Variants in INPP5D observed in about 807,000 individuals in gnomAD.
The protein encoded by INPP5D is phosphatidylinositol 3,4,5-trisphosphate 5-phosphatase 1.
INPP5D carries 33 observed loss-of-function variants against 122.9 expected under a neutral mutation model. That is an observed-to-expected ratio of 0.27 (90% CI 0.20 to 0.36). The LOEUF is 0.36. Among genes scored for constraint, INPP5D ranks in the 10% least tolerant of loss-of-function variants. INPP5D has a pLI of 1.00. For synonymous variants in INPP5D, 584 were observed against 576.2 expected, an observed-to-expected ratio of 1.01 and a Z score of -0.19; for missense variants, 1,053 against 1,412.7, an observed-to-expected ratio of 0.75 and a Z score of 4.08.
At chr2:233,130,759 C>A in intron 5 of INPP5D, 111 bp downstream of exon 5, 1 of 1,133,258 alleles carries the variant, frequency 8.8e-7, no homozygotes, top group Non-Finnish European at 1.3e-6. Context: ...CTCTGCCGCA[C>A]TCACAATAAT....
chr2:233,145,635 G>A (rs1693738650), intron 6 of INPP5D, among the ~76,000 whole-genome samples: 1 of 152,120 alleles, frequency 6.6e-6, no homozygotes, highest in African/African-American at 2.4e-5. Flanking sequence ...TTCCTCAGAA[G>A]GGAAGCTCAA....
At chr2:233,161,915 A>G (rs1694208918) in intron 11 of INPP5D, 89 bp downstream of exon 11, 2 of 1,499,662 alleles carry the variant, frequency 1.3e-6, no homozygotes, top group Admixed American at 2.1e-5. Context: ...GAGTGACGAC[A>G]TCCATGTCCC....
At position 233,100,585 on chromosome 2, in the gene INPP5D, AC is replaced by A. The variant is rs370401536; in HGVS notation, c.198+21192del. Among the ~76,000 whole-genome samples the A allele has an allele frequency of 1.4e-3, 212 of 151,780 alleles. 1 individual carries two copies. Among genetic ancestry groups the A allele is most frequent in the African/African-American group, 4.4e-3 (184 of 41,354 alleles). On this transcript the variant is annotated intron_variant, in intron 2 of 26. Coordinates refer to ENST00000445964, the MANE Select transcript of INPP5D (RefSeq NM_001017915.3). This position sits in a 1 kb window ranked among gnomAD's most constrained non-coding sequence, Gnocchi z 5.3. The stretch of plus-strand genomic sequence containing the variant: ...CAGCATCCCCCATGGACTCATGGGC[AC>A]CCCCGGTTGAGCTCGCTCACCCAGA...
At chr2:233,063,191 G>A (rs775741491) in intron 1 of INPP5D, among the ~76,000 whole-genome samples, 11 of 152,204 alleles carry the variant, frequency 7.2e-5, no homozygotes, top group Non-Finnish European at 1.5e-4. Flanking sequence ...CCTAGCCCTG[G>A]AAGCCTGGAG....
chr2:233,173,206 CT>C (rs1203491580), intron 17 of INPP5D, among the ~76,000 whole-genome samples: 1,191 of 115,830 alleles, frequency 0.01, 13 homozygotes, highest in African/African-American at 0.035. Flanking sequence ...AAGACTGTGT[CT>C]CAAAAAAAAA....
chr2:233,121,096 G>A (rs903080605), intron 2 of INPP5D, among the ~76,000 whole-genome samples: 2 of 133,780 alleles, frequency 1.5e-5, no homozygotes, highest in Non-Finnish European at 3.3e-5. Context: ...GATTACAGGT[G>A]ATTTCTTTCT....
At position 233,105,309 on chromosome 2, in the gene INPP5D, G is replaced by A. The variant is rs1692435452; in HGVS notation, c.199-16798G>A. ...AACCGTCATTTCTATCTACACCTGT[G>A]CTTTGCCAGTGCCGCTCCCTTCGCC... On this transcript the variant is annotated intron_variant, in intron 2 of 26. Coordinates refer to ENST00000445964, the MANE Select transcript of INPP5D (RefSeq NM_001017915.3). This position sits in a 1 kb window ranked among gnomAD's most constrained non-coding sequence, Gnocchi z 4.0. Among the ~76,000 whole-genome samples, 1 of 152,204 alleles carries A rather than the reference G, an allele frequency of 6.6e-6. No individual in the cohort carries two copies. The highest frequency in any genetic ancestry group is 1.5e-5 in the Non-Finnish European group (1 of 68,026).
intron 2 of INPP5D, among the ~76,000 whole-genome samples, chr2:233,084,216 G>A (rs1691769545): frequency 6.6e-6 from 1 of 152,166 alleles, no homozygotes; most frequent in Non-Finnish European, 1.5e-5. Flanking sequence ...ACTATGCCCA[G>A]CTAAATTTTG....
intron 25 of INPP5D, among the ~76,000 whole-genome samples, chr2:233,203,313 G>A (rs1231136974): frequency 2.0e-5 from 3 of 152,166 alleles, no homozygotes; most frequent in African/African-American, 7.2e-5. Flanking sequence ...CTGTTGACTG[G>A]GGAGGTGGGA....
In INPP5D at chr2:233,138,304, A is replaced by T. The variant is rs71359944; in HGVS notation, c.666-1538A>T. On this transcript the variant is annotated intron_variant, in intron 5 of 26. Coordinates refer to ENST00000445964, the MANE Select transcript of INPP5D (RefSeq NM_001017915.3). ...CCTGGGCCACAGAGTAAGATTGTCTAAAAAAAAAAAAAAAAAAAAAGCAAA... is the reference window on the plus strand; with the variant it reads ...CCTGGGCCACAGAGTAAGATTGTCTTAAAAAAAAAAAAAAAAAAAAGCAAA... Among the ~76,000 whole-genome samples, 131 of 52,600 alleles carry T rather than the reference A, an allele frequency of 2.5e-3. 9 individuals are homozygous for T. The highest frequency in any genetic ancestry group is 2.7e-3 in the Admixed American group (14 of 5,096). 34.5% of individuals were successfully genotyped at this position (52,600 alleles called of 152,430 possible).
rs1172279197 is a variant in INPP5D, at chr2:233,207,325, T to C, written c.*617T>C. 1 of 152,750 alleles carries C rather than the reference T, an allele frequency of 6.5e-6. No homozygotes were observed. Among genetic ancestry groups the C allele is most frequent in the Non-Finnish European group, 1.5e-5 (1 of 68,070 alleles). The allele number at this position is 152,750 out of a possible 1,614,324, so 9.5% of individuals were successfully genotyped here. A position where few individuals can be genotyped will look rare whatever the true frequency, so the allele number is the denominator to read the frequency against. ...GCTTGTTTAGGGTACAAGAAGCCTG[T>C]TCTGTCCAGCTTCAGTGACACAAGC... is the stretch of plus-strand genomic sequence containing the variant. On this transcript the variant is annotated 3_prime_UTR_variant, in exon 27 of 27. Coordinates refer to ENST00000445964, the MANE Select transcript of INPP5D (RefSeq NM_001017915.3). The surrounding 1 kb of genome is among the most constrained non-coding windows in gnomAD (Gnocchi z 4.6).
intron 2 of INPP5D, among the ~76,000 whole-genome samples, chr2:233,121,134 CTT>C (rs371416856): frequency 1.5e-3 from 158 of 103,368 alleles, no homozygotes; most frequent in Middle Eastern, 9.6e-3. Flanking sequence ...TTTTTTTTTT[CTT>C]TTTTTTTTTT....
In INPP5D at chr2:233,207,548, C is replaced by T. The variant is rs745647550; in HGVS notation, c.*840C>T. On this transcript the variant is annotated 3_prime_UTR_variant, in exon 27 of 27. Transcript: ENST00000445964. This position sits in a 1 kb window ranked among gnomAD's most constrained non-coding sequence, Gnocchi z 4.6. ...CCCTCCTCGAGGTGGGCAGCCATCA[C>T]CAGCCACAGTTAAGCCAAGCCCCCC... is the stretch of plus-strand genomic sequence containing the variant. 1 of 152,466 alleles carries T rather than the reference C, an allele frequency of 6.6e-6. No homozygotes were observed. The highest frequency in any genetic ancestry group is 1.5e-5 in the Non-Finnish European group (1 of 68,140). The allele number at this position is 152,466 out of a possible 1,614,324, so 9.4% of individuals were successfully genotyped here. A position where few individuals can be genotyped will look rare whatever the true frequency, so the allele number is the denominator to read the frequency against.
In INPP5D at chr2:233,105,028, T is replaced by A. The variant is rs1485492778; in HGVS notation, c.199-17079T>A. On this transcript the variant is annotated intron_variant, in intron 2 of 26. Transcript: ENST00000445964. This position sits in a 1 kb window ranked among gnomAD's most constrained non-coding sequence, Gnocchi z 4.0. Reference sequence around the variant, plus strand: ...AGGCAAGAAACTGGGCTTTTGCACATGTACTCCAGGCCCCCATTGGCTGTC... The same window carrying A: ...AGGCAAGAAACTGGGCTTTTGCACAAGTACTCCAGGCCCCCATTGGCTGTC... Among the ~76,000 whole-genome samples, 2 of 152,136 alleles carry A rather than the reference T, an allele frequency of 1.3e-5. No homozygotes were observed. The highest frequency in any genetic ancestry group is 6.6e-5 in the Admixed American group (1 of 15,266).
At position 233,125,798 on chromosome 2, in the gene INPP5D, G is replaced by A; in HGVS notation, c.403G>A (p.Ala135Thr). ...ELPPRNIPLTASSCEAKEVPF... is the reference protein window; with the variant it reads ...ELPPRNIPLTTSSCEAKEVPF... ...GCCCCCAAGAAACATCCCGCTGACT[G>A]CCAGCTCCTGTGAGGCCAAGGAGGT... The change falls in exon 4 of 27, where the codon GCC becomes ACC. Residue 135 changes from alanine to threonine, a missense_variant. Ala to Thr is a moderately conservative substitution (Grantham distance 58). This residue lies in a region of INPP5D where 196 missense variants were observed against 175.6 expected (regional missense o/e 1.12). Coordinates refer to ENST00000445964, the MANE Select transcript of INPP5D (RefSeq NM_001017915.3). 2 of 1,613,910 alleles carry A rather than the reference G, an allele frequency of 1.2e-6. No individual in the cohort carries two copies. Among genetic ancestry groups the A allele is most frequent in the Non-Finnish European group, 1.7e-6 (2 of 1,179,838 alleles).
chr2:233,120,563 A>C (rs1471347021), intron 2 of INPP5D: 1 of 152,350 alleles, frequency 6.6e-6, no homozygotes, highest in South Asian at 2.1e-4. Flanking sequence ...GGCACTTAGC[A>C]GTTGCCAGGG....
chr2:233,061,276 G>T (rs565670932), intron 1 of INPP5D, among the ~76,000 whole-genome samples: 49 of 145,292 alleles, frequency 3.4e-4, no homozygotes, highest in African/African-American at 1.1e-3. Context: ...CCACTGCCCG[G>T]TTGGGGATGT....
intron 6 of INPP5D, among the ~76,000 whole-genome samples, chr2:233,142,131 T>C (rs1174419811): frequency 1.3e-5 from 2 of 152,200 alleles, no homozygotes; most frequent in Non-Finnish European, 2.9e-5. Flanking sequence ...GCAGTCCCAG[T>C]TACGGTGCTG....
chr2:233,101,869 G>T (rs1692325461), intron 2 of INPP5D, among the ~76,000 whole-genome samples: 1 of 151,114 alleles, frequency 6.6e-6, no homozygotes, highest in African/African-American at 2.4e-5. Context: ...TTTTCTACCT[G>T]CCTGGTCTGC....
Sources: allele counts gnomAD v4.1 joint callset (sites outside exome capture counted in the v4.1 genomes callset), GRCh38; gene constraint gnomAD v4.1.1; regional missense constraint gnomAD v4.1.1; non-coding constraint Gnocchi (gnomAD v3.1); transcripts MANE v1.5; gene names NCBI Gene and HGNC (gene_info 2026-07-23, HGNC 2026-07-21).